Variants in HDAC9 observed in about 807,000 individuals in gnomAD.
HDAC9 encodes the protein MEF-2 interacting transcription repressor (MITR) protein.
In HDAC9, 41 loss-of-function variants were observed where a neutral mutation model predicts 139.4. The observed-to-expected ratio is 0.29, with a 90% confidence interval of 0.23 to 0.38. The LOEUF is 0.38. HDAC9 is among the 10% of genes least tolerant of loss of function. The pLI is 1.00. For synonymous variants in HDAC9, 517 were observed against 476.2 expected (o/e 1.09, Z -1.12); for missense variants, 1,147 against 1,297.0 (o/e 0.88, Z 1.78).
rs1804565063 is a variant in HDAC9, at chr7:18,929,765, C to T, written c.2804-6044C>T. On this transcript the variant is annotated intron_variant, in intron 22 of 25. Transcript: ENST00000686413. The stretch of plus-strand genomic sequence containing the variant: ...ATCCTGGCCAACCAACATGGTGAAA[C>T]CGCGTCTCTACTAAAAATACAAAAA... 3.3e-5 allele frequency among the ~76,000 whole-genome samples: 5 copies of T among 151,982 alleles called. 1 individual carries two copies. The South Asian group carries it at 1.0e-3, about 32-fold the overall frequency.
intron 2 of HDAC9, among the ~76,000 whole-genome samples, chr7:18,241,940 T>C (rs1794215741): frequency 6.6e-6 from 1 of 152,182 alleles, no homozygotes; most frequent in African/African-American, 2.4e-5. Context: ...TTCTGTTATA[T>C]AACCACAGCA....
At chr7:18,210,965 G>A (rs1791898874) in intron 2 of HDAC9, among the ~76,000 whole-genome samples, 1 of 152,094 alleles carries the variant, frequency 6.6e-6, no homozygotes, top group Admixed American at 6.6e-5. Context: ...TGTACAGGAC[G>A]GCCTTTCCTT....
chr7:18,455,122 G>C (rs1284083664), intron 1 of HDAC9, among the ~76,000 whole-genome samples: 1 of 151,938 alleles, frequency 6.6e-6, no homozygotes, highest in Non-Finnish European at 1.5e-5. Context: ...ATAAAAAGGA[G>C]ACAGGGACAT....
chr7:18,241,682 A>G (rs551868510), intron 2 of HDAC9, among the ~76,000 whole-genome samples: 1 of 152,342 alleles, frequency 6.6e-6, no homozygotes, highest in African/African-American at 2.4e-5. Flanking sequence ...ACTTGGCTCA[A>G]CCATGCCTGC....
chr7:18,397,067 T>A (rs75202714), intron 1 of HDAC9, among the ~76,000 whole-genome samples: 1,798 of 152,166 alleles, frequency 0.012, 26 homozygotes, highest in African/African-American at 0.041. Context: ...TTTAGGCAGA[T>A]ACAAAAGGGT....
chr7:18,280,222 CGGAA>C (rs892085019), intron 2 of HDAC9, among the ~76,000 whole-genome samples: 1 of 152,008 alleles, frequency 6.6e-6, no homozygotes, highest in African/African-American at 2.4e-5. Context: ...GAGGCCAAGG[CGGAA>C]GGATTGCTTG....
intron 1 of HDAC9, among the ~76,000 whole-genome samples, chr7:18,480,356 C>T (rs1795460743): frequency 6.6e-6 from 1 of 152,174 alleles, no homozygotes. Context: ...CACCCTGCCT[C>T]TAACACATAA....
chr7:18,186,585 G>T (rs17138744), intron 2 of HDAC9, among the ~76,000 whole-genome samples: 27,239 of 152,186 alleles, frequency 0.18, 2,811 homozygotes, highest in South Asian at 0.34. Context: ...TTAACATGAA[G>T]TGGCTTGAGG....
chr7:18,424,373 A>T (rs1316139098), intron 1 of HDAC9, among the ~76,000 whole-genome samples: 2 of 152,234 alleles, frequency 1.3e-5, no homozygotes, highest in Non-Finnish European at 2.9e-5. Context: ...AATGAAAATA[A>T]TTATACCTAC....
intron 2 of HDAC9, among the ~76,000 whole-genome samples, chr7:18,195,595 G>A (rs1270464085): frequency 6.6e-6 from 1 of 152,072 alleles, no homozygotes; most frequent in Admixed American, 6.6e-5. Context: ...ATACTCTAGG[G>A]GGTTCCACTG....
chr7:18,907,936 T>C (rs963519639), intron 22 of HDAC9, among the ~76,000 whole-genome samples: 1 of 152,206 alleles, frequency 6.6e-6, no homozygotes, highest in African/African-American at 2.4e-5. Context: ...ACATACTATG[T>C]ATATATCATG....
chr7:18,505,132 C>T (rs1308573321), intron 2 of HDAC9, among the ~76,000 whole-genome samples: 1 of 152,176 alleles, frequency 6.6e-6, no homozygotes, highest in African/African-American at 2.4e-5. Flanking sequence ...CTTCTATGAG[C>T]GTGCTCTTTT....
intron 22 of HDAC9, among the ~76,000 whole-genome samples, chr7:18,885,565 T>C (rs1800079575): frequency 6.6e-6 from 1 of 152,192 alleles, no homozygotes; most frequent in Admixed American, 6.5e-5. Context: ...GTAACTATGC[T>C]TAAGTCACAG....
chr7:18,746,148 G>A (rs1205066639), intron 13 of HDAC9, among the ~76,000 whole-genome samples: 1 of 152,018 alleles, frequency 6.6e-6, no homozygotes, highest in East Asian at 1.9e-4. Context: ...TAGGCTTACA[G>A]GTGTAAGGCA....
At chr7:18,889,668 A>G (rs1024715825) in intron 22 of HDAC9, among the ~76,000 whole-genome samples, 1 of 152,180 alleles carries the variant, frequency 6.6e-6, no homozygotes, top group African/African-American at 2.4e-5. Flanking sequence ...ATACACCTTT[A>G]TAGGACCAAC....
At chr7:18,623,110 C>G (rs1005506226) in intron 6 of HDAC9, among the ~76,000 whole-genome samples, 1 of 150,762 alleles carries the variant, frequency 6.6e-6, no homozygotes, top group Non-Finnish European at 1.5e-5. Context: ...TCCCACTGCA[C>G]TCCAGCCTGG....
chr7:18,723,997 G>A (rs553647951), intron 12 of HDAC9, among the ~76,000 whole-genome samples: 38 of 152,226 alleles, frequency 2.5e-4, no homozygotes, highest in South Asian at 1.5e-3. Context: ...AGCTTTCAAC[G>A]TTATACAAGG....
At chr7:18,132,683 G>A (rs1398873517) in intron 1 of HDAC9, among the ~76,000 whole-genome samples, 1 of 152,126 alleles carries the variant, frequency 6.6e-6, no homozygotes, top group East Asian at 1.9e-4. Context: ...CTTCAACTAA[G>A]TTTATTCAGA....
chr7:18,298,979 G>A (rs1435824599), intron 1 of HDAC9, among the ~76,000 whole-genome samples: 1 of 152,064 alleles, frequency 6.6e-6, no homozygotes, highest in Non-Finnish European at 1.5e-5. Flanking sequence ...GATTCAAAAT[G>A]ATGAGTTAGA....
Sources: allele counts gnomAD v4.1 joint callset (sites outside exome capture counted in the v4.1 genomes callset), GRCh38; gene constraint gnomAD v4.1.1; transcripts MANE v1.5; gene names NCBI Gene and HGNC (gene_info 2026-07-23, HGNC 2026-07-21).